PIGF: variants seen among roughly 807,000 people sequenced by gnomAD.
PIGF encodes phosphatidylinositol glycan anchor biosynthesis class F, also known as GPI ethanolamine phosphate transferase, stabilizing subunit.
Under a neutral mutation model 26.0 loss-of-function variants are expected in PIGF, and 23 were observed. The ratio of observed to expected loss-of-function variants is 0.88; its 90% CI spans 0.64 to 1.25. The LOEUF (loss-of-function observed/expected upper bound fraction) is 1.25. Among genes scored for constraint, PIGF ranks in the 50% most tolerant of loss-of-function variants. PIGF has a pLI of 0.00. For synonymous variants in PIGF, 93 were observed against 92.6 expected, an observed-to-expected ratio of 1.00 and a Z score of -0.03; for missense variants, 278 against 249.9, an observed-to-expected ratio of 1.11 and a Z score of -0.76.
chr2:46,593,386 C>A (rs905347274), intron 4 of PIGF, among the ~76,000 whole-genome samples: 1 of 152,206 alleles, frequency 6.6e-6, no homozygotes, highest in African/African-American at 2.4e-5. Flanking sequence ...CCACCTTGGC[C>A]TCCCAAAGTG....
At chr2:46,593,151 T>TC (rs1669777341) in intron 4 of PIGF, among the ~76,000 whole-genome samples, 1 of 151,260 alleles carries the variant, frequency 6.6e-6, no homozygotes, top group Admixed American at 6.6e-5. Flanking sequence ...TTTTTTTTTT[T>TC]CAGACGGAGT....
chr2:46,605,662 A>G (rs1670198006), intron 4 of PIGF, among the ~76,000 whole-genome samples: 1 of 152,120 alleles, frequency 6.6e-6, no homozygotes, highest in Non-Finnish European at 1.5e-5. Flanking sequence ...CTAAGTAGTA[A>G]AAACAGGGCA....
At chr2:46,606,379 C>T (rs923158408) in intron 4 of PIGF, among the ~76,000 whole-genome samples, 13 of 152,068 alleles carry the variant, frequency 8.5e-5, no homozygotes, top group African/African-American at 2.9e-4. Flanking sequence ...TTTCACCTTG[C>T]TTTTTTCCAC....
intron 4 of PIGF, among the ~76,000 whole-genome samples, chr2:46,604,765 A>C (rs1670166221): frequency 6.6e-6 from 1 of 151,990 alleles, no homozygotes; most frequent in Admixed American, 6.6e-5. Flanking sequence ...GGCATGAAAA[A>C]GATAGAATGA....
intron 3 of PIGF, 33 bp downstream of exon 3, chr2:46,613,661 A>G: frequency 6.9e-7 from 1 of 1,439,718 alleles, no homozygotes; most frequent in South Asian, 1.3e-5. Context: ...AATGTTTTAA[A>G]ATATAAATTT....
At chr2:46,592,684 C>T (rs1390510790) in intron 4 of PIGF, 101 bp from the exon 5 acceptor site, 6 of 618,926 alleles carry the variant, frequency 9.7e-6, no homozygotes, top group African/African-American at 5.5e-5. Context: ...ATATTTCCTG[C>T]TAATTTAAAA....
intron 4 of PIGF, among the ~76,000 whole-genome samples, chr2:46,609,261 T>C (rs1223418284): frequency 6.6e-6 from 1 of 152,236 alleles, no homozygotes. Context: ...TTCAAACTTT[T>C]CTTCTGTAAC....
intron 4 of PIGF, among the ~76,000 whole-genome samples, chr2:46,603,862 C>G (rs1670135283): frequency 6.6e-6 from 1 of 151,930 alleles, no homozygotes; most frequent in Non-Finnish European, 1.5e-5. Flanking sequence ...CAAATGGAAT[C>G]ACATCAAGTT....
At chr2:46,609,826 C>T (rs541826701) in intron 4 of PIGF, among the ~76,000 whole-genome samples, 2 of 152,064 alleles carry the variant, frequency 1.3e-5, no homozygotes, top group African/African-American at 2.4e-5. Flanking sequence ...AAAACAATTA[C>T]AAAAAGTAAC....
At chr2:46,610,616 G>A (rs575624056) in intron 4 of PIGF, among the ~76,000 whole-genome samples, 4 of 135,370 alleles carry the variant, frequency 3.0e-5, no homozygotes, top group Admixed American at 1.7e-4. Flanking sequence ...TGCAACCTCC[G>A]CCTCCTGGGT....
intron 4 of PIGF, among the ~76,000 whole-genome samples, chr2:46,602,982 A>C (rs995983428): frequency 1.3e-5 from 2 of 152,008 alleles, no homozygotes; most frequent in African/African-American, 2.4e-5. Context: ...ACTACCAAAA[A>C]CTATTAGAAC....
intron 4 of PIGF, among the ~76,000 whole-genome samples, chr2:46,593,658 A>C (rs1176683539): frequency 6.6e-6 from 1 of 152,238 alleles, no homozygotes; most frequent in Non-Finnish European, 1.5e-5. Context: ...TGAACACTTC[A>C]TCATGTAGAA....
chr2:46,581,607 A>G lies in PIGF; in HGVS notation c.547-16T>C. The G allele has an allele frequency of 2.5e-6, 4 of 1,608,652 alleles. No individual in the cohort carries two copies. The highest frequency in any genetic ancestry group is 1.3e-5 in the African/African-American group (1 of 74,838). Reference sequence around the variant, plus strand: ...TGGGCCATACCTGAGGAGAGAATGTATGAGATCAAAAAAGAACAAATGTTT... The same window carrying G: ...TGGGCCATACCTGAGGAGAGAATGTGTGAGATCAAAAAAGAACAAATGTTT... On this transcript the variant is annotated splice_polypyrimidine_tract_variant and intron_variant, in intron 5 of 5. Transcript: ENST00000281382.
intron 5 of PIGF, chr2:46,591,733 T>C (rs1669727674): frequency 2.6e-6 from 3 of 1,147,472 alleles, no homozygotes; most frequent in Non-Finnish European, 3.3e-6. Context: ...TTCAGTGACC[T>C]TGGGAATGTT....
intron 3 of PIGF, among the ~76,000 whole-genome samples, chr2:46,613,408 A>G (rs1201849397): frequency 6.6e-6 from 1 of 152,176 alleles, no homozygotes; most frequent in Non-Finnish European, 1.5e-5. Flanking sequence ...AAGTTCTTTC[A>G]GAGGTTCTAA....
intron 4 of PIGF, among the ~76,000 whole-genome samples, chr2:46,594,524 G>T (rs1197228475): frequency 1.5e-5 from 2 of 135,714 alleles, no homozygotes; most frequent in African/African-American, 3.0e-5. Context: ...GGAAAAGTAG[G>T]GCAGAGTTAG....
intron 3 of PIGF, among the ~76,000 whole-genome samples, 184 bp from the exon 4 acceptor site, chr2:46,612,528 T>C (rs1670455860): frequency 6.6e-6 from 1 of 152,180 alleles, no homozygotes; most frequent in Non-Finnish European, 1.5e-5. Context: ...TAAAAAACAA[T>C]CTAGCAAGTA....
intron 5 of PIGF, among the ~76,000 whole-genome samples, chr2:46,592,080 G>A (rs193000290): frequency 5.3e-5 from 8 of 152,212 alleles, no homozygotes; most frequent in Non-Finnish European, 8.8e-5. Context: ...GGCTGGGCTC[G>A]GTGGCACACA....
At chr2:46,594,840 G>T (rs545806521) in intron 4 of PIGF, among the ~76,000 whole-genome samples, 91 of 144,004 alleles carry the variant, frequency 6.3e-4, no homozygotes, top group African/African-American at 2.2e-3. Flanking sequence ...GGCCCTCACC[G>T]TTTTTTTTTT....
Sources: gnomAD v4.1 joint callset for allele counts (sites outside exome capture counted in the v4.1 genomes callset) on GRCh38, gnomAD v4.1.1 for gene constraint, MANE v1.5 for transcripts, NCBI Gene and HGNC (gene_info 2026-07-23, HGNC 2026-07-21) for gene names.